CA1: variants seen among roughly 807,000 people sequenced by gnomAD.
The protein encoded by CA1 is carbonic anhydrase 1.
Under a neutral mutation model 28.8 loss-of-function variants are expected in CA1, and 27 were observed. The observed-to-expected ratio is 0.94, with a 90% CI of 0.69 to 1.29. The LOEUF is 1.29. Among genes scored for constraint, CA1 ranks in the 50% most tolerant of loss-of-function variants. The pLI, the probability that CA1 is intolerant of heterozygous loss-of-function variation, is 0.00. For missense variants in CA1, 335 were observed against 310.5 expected (o/e 1.08, Z -0.59); for synonymous variants, 121 against 108.8 (o/e 1.11, Z -0.70).
At chr8:85,353,240 A>C (rs1809478063) in intron 1 of CA1, among the ~76,000 whole-genome samples, 1 of 152,248 alleles carries the variant, frequency 6.6e-6, no homozygotes, top group South Asian at 2.1e-4. Flanking sequence ...TAGCATTTGC[A>C]TCTTGAGTTT....
At chr8:85,330,162 AG>A (rs1808343149) in intron 6 of CA1, among the ~76,000 whole-genome samples, 2 of 152,266 alleles carry the variant, frequency 1.3e-5, no homozygotes, top group South Asian at 4.1e-4. Context: ...TTTAATTTCT[AG>A]TATAAAGCTT....
chr8:85,342,343 C>G lies in CA1; in HGVS notation c.-24-684G>C, dbSNP rs148523200. Among the ~76,000 whole-genome samples the G allele has an allele frequency of 1.6e-3, 238 of 152,148 alleles. 1 individual carries two copies. The highest frequency in any genetic ancestry group is 2.9e-3 in the Non-Finnish European group (200 of 67,984). Reference sequence around the variant, plus strand: ...ATAAAGGTCTTATTTTTTAATAGCTCTATATAATTTATAAACCAGTTTCTT... The same window carrying G: ...ATAAAGGTCTTATTTTTTAATAGCTGTATATAATTTATAAACCAGTTTCTT... On this transcript the variant is annotated intron_variant, in intron 1 of 7. Transcript: ENST00000523022.
intron 1 of CA1, among the ~76,000 whole-genome samples, chr8:85,374,498 A>G (rs970799543): frequency 6.6e-6 from 1 of 152,230 alleles, no homozygotes; most frequent in East Asian, 1.9e-4. Flanking sequence ...ATTTTGTACT[A>G]TTTTCATCAA....
chr8:85,367,929 A>G (rs1810071847), intron 1 of CA1, among the ~76,000 whole-genome samples: 2 of 152,222 alleles, frequency 1.3e-5, no homozygotes, highest in South Asian at 4.1e-4. Context: ...TGTATAAAAC[A>G]AAAGCATTAA....
At chr8:85,332,599 C>G in intron 5 of CA1, 47 bp from the exon 6 acceptor site, 1 of 1,370,296 alleles carries the variant, frequency 7.3e-7, no homozygotes, top group South Asian at 1.2e-5. Context: ...TATTATCAAT[C>G]GAACACTGCT....
intron 1 of CA1, among the ~76,000 whole-genome samples, chr8:85,358,565 G>A (rs916337167): frequency 6.6e-6 from 1 of 152,094 alleles, no homozygotes; most frequent in African/African-American, 2.4e-5. Context: ...AAAAGAGCCC[G>A]ATGCATTCTA....
At chr8:85,351,342 A>T (rs1356851458) in intron 1 of CA1, among the ~76,000 whole-genome samples, 1 of 152,254 alleles carries the variant, frequency 6.6e-6, no homozygotes, top group African/African-American at 2.4e-5. Context: ...ACTTTGCTTA[A>T]GGATTCATGT....
intron 1 of CA1, among the ~76,000 whole-genome samples, chr8:85,360,003 G>A (rs957475160): frequency 6.6e-6 from 1 of 152,204 alleles, no homozygotes. Context: ...TTTTCTGGTT[G>A]TAGCATTTGG....
At chr8:85,348,400 A>G (rs533358973) in intron 1 of CA1, among the ~76,000 whole-genome samples, 44 of 152,342 alleles carry the variant, frequency 2.9e-4, no homozygotes, top group Non-Finnish European at 5.4e-4. Context: ...AATGCCTTCT[A>G]GTACTGGCAA....
Position 85,328,008 on chromosome 8 carries a change from T to C in CA1, c.*552A>G, listed in dbSNP as rs1808243891. ...TTTTGATCACAGACAACACAAATGG[T>C]AGCAATGTTGGGCCAGCATAACGAT... is the stretch of plus-strand genomic sequence containing the variant. On this transcript the variant is annotated 3_prime_UTR_variant, in exon 8 of 8. Coordinates refer to ENST00000523022, the MANE Select transcript of CA1 (RefSeq NM_001128831.4). 6.5e-6 allele frequency: 1 copy of C among 152,678 alleles called. No homozygotes were observed. Among genetic ancestry groups the C allele is most frequent in the African/African-American group, 2.4e-5 (1 of 41,456 alleles). 9.5% of individuals were successfully genotyped at this position (152,678 alleles called of 1,614,324 possible).
At chr8:85,370,820 T>G (rs959733009) in intron 1 of CA1, among the ~76,000 whole-genome samples, 2 of 152,212 alleles carry the variant, frequency 1.3e-5, no homozygotes, top group African/African-American at 4.8e-5. Context: ...AATTTCAAAT[T>G]TCTTCTTATC....
intron 2 of CA1, 142 bp from the exon 3 acceptor site, chr8:85,338,591 C>T: frequency 1.4e-6 from 1 of 713,702 alleles, no homozygotes; most frequent in Admixed American, 2.0e-5. Context: ...AATAGAAATT[C>T]TGTGTTTGAA....
At chr8:85,346,031 A>G (rs1284734639) in intron 1 of CA1, among the ~76,000 whole-genome samples, 2 of 152,328 alleles carry the variant, frequency 1.3e-5, no homozygotes, top group Middle Eastern at 6.8e-3. Flanking sequence ...TATTTTTAAC[A>G]CAGTTGTTAA....
chr8:85,336,452 A>G (rs1004367499), intron 4 of CA1, among the ~76,000 whole-genome samples: 1 of 152,188 alleles, frequency 6.6e-6, no homozygotes, highest in Non-Finnish European at 1.5e-5. Flanking sequence ...AGAGCAGGTT[A>G]AGAGCCAGGG....
intron 1 of CA1, among the ~76,000 whole-genome samples, chr8:85,373,199 G>C (rs564821748): frequency 1.3e-5 from 2 of 152,186 alleles, no homozygotes; most frequent in Non-Finnish European, 2.9e-5. Context: ...TGGGTGTTTC[G>C]TTAAGACGGA....
chr8:85,330,944 A>G (rs1200135865), intron 6 of CA1, among the ~76,000 whole-genome samples: 1 of 152,082 alleles, frequency 6.6e-6, no homozygotes, highest in Non-Finnish European at 1.5e-5. Context: ...TGTAGTTTTC[A>G]TACCTGGTTT....
intron 1 of CA1, among the ~76,000 whole-genome samples, chr8:85,361,235 T>C (rs1809783552): frequency 2.6e-5 from 4 of 152,172 alleles, no homozygotes; most frequent in Admixed American, 2.6e-4. Flanking sequence ...TATCGATCTC[T>C]TTAAGGAAAG....
chr8:85,359,588 A>G (rs1585954999), intron 1 of CA1, among the ~76,000 whole-genome samples: 1 of 152,368 alleles, frequency 6.6e-6, no homozygotes, highest in African/African-American at 2.4e-5. Flanking sequence ...CTGAACCTCG[A>G]ATGAAAAGGA....
At chr8:85,335,674 T>C (rs537919669) in intron 4 of CA1, among the ~76,000 whole-genome samples, 1 of 152,344 alleles carries the variant, frequency 6.6e-6, no homozygotes, top group East Asian at 1.9e-4. Context: ...TTGATTTTTC[T>C]CAATTTAGAT....
Sources: gnomAD v4.1 joint callset for allele counts (sites outside exome capture counted in the v4.1 genomes callset) on GRCh38, gnomAD v4.1.1 for gene constraint, MANE v1.5 for transcripts, NCBI Gene and HGNC (gene_info 2026-07-23, HGNC 2026-07-21) for gene names.